BMP6: variants seen among roughly 807,000 people sequenced by gnomAD.
BMP6 encodes the protein VG-1-R.
Under a neutral mutation model 54.1 loss-of-function variants are expected in BMP6, and 17 were observed. That is an observed-to-expected ratio of 0.31 (90% CI 0.22 to 0.47). BMP6 has a LOEUF of 0.47. Ranked by LOEUF, BMP6 falls within the 20% of genes least tolerant of loss-of-function variation. The pLI is 1.00. For missense variants in BMP6, 720 were observed against 690.4 expected, an observed-to-expected ratio of 1.04 and a Z score of -0.48; for synonymous variants, 328 against 291.2, an observed-to-expected ratio of 1.13 and a Z score of -1.28.
chr6:7,739,053 A>G (rs991063041), intron 1 of BMP6, among the ~76,000 whole-genome samples: 1 of 152,196 alleles, frequency 6.6e-6, no homozygotes, highest in Non-Finnish European at 1.5e-5. Context: ...TGCTCTTGGC[A>G]ACTGTGATTG....
intron 4 of BMP6, among the ~76,000 whole-genome samples, chr6:7,877,247 A>G (rs1318245537): frequency 6.6e-6 from 1 of 152,156 alleles, no homozygotes; most frequent in Non-Finnish European, 1.5e-5. Flanking sequence ...ATTTAGAATT[A>G]TAAACCACCT....
rs1366601786 is a variant in BMP6 at position 7,768,731 on chromosome 6, TATTTC to T, written c.664+41114_664+41118del. Among the ~76,000 whole-genome samples, 5 of 152,236 alleles carry T rather than the reference TATTTC, an allele frequency of 3.3e-5. 1 individual carries two copies. The highest frequency in any genetic ancestry group is 7.3e-5 in the Non-Finnish European group (5 of 68,046). ...CACAGGGACGCAAGGTGTTCCTCTT[TATTTC>T]AACAGCTTTCTAAGAGTGCCGATTT... On this transcript the variant is annotated intron_variant, in intron 1 of 6. Coordinates refer to ENST00000283147, the MANE Select transcript of BMP6 (RefSeq NM_001718.6).
At chr6:7,863,234 G>A (rs986197090) in intron 4 of BMP6, among the ~76,000 whole-genome samples, 12 of 152,100 alleles carry the variant, frequency 7.9e-5, no homozygotes, top group African/African-American at 2.7e-4. Context: ...TCCTGACCTC[G>A]TGATCCACCC....
At chr6:7,727,710 C>G in intron 1 of BMP6, 91 bp downstream of exon 1, 1 of 1,354,932 alleles carries the variant, frequency 7.4e-7, no homozygotes, top group Non-Finnish European at 9.5e-7. Context: ...GGAGGAGCTC[C>G]CGGCGCGCGG....
intron 1 of BMP6, among the ~76,000 whole-genome samples, chr6:7,770,757 T>C (rs1333352661): frequency 6.6e-6 from 1 of 152,254 alleles, no homozygotes; most frequent in Admixed American, 6.5e-5. Flanking sequence ...GGGAAATCTG[T>C]GCAGTCAGCA....
chr6:7,819,545 G>A (rs1176494857), intron 1 of BMP6, among the ~76,000 whole-genome samples: 1 of 152,100 alleles, frequency 6.6e-6, no homozygotes, highest in Non-Finnish European at 1.5e-5. Flanking sequence ...TAAGGGGAGA[G>A]AAAGGAAGAA....
At chr6:7,753,771 AT>A (rs903981293) in intron 1 of BMP6, among the ~76,000 whole-genome samples, 31 of 151,990 alleles carry the variant, frequency 2.0e-4, no homozygotes, top group Admixed American at 3.3e-4. Flanking sequence ...TCTAACATCA[AT>A]TTTTTTTGAT....
At chr6:7,840,984 A>C (rs985063082) in intron 1 of BMP6, among the ~76,000 whole-genome samples, 1 of 152,196 alleles carries the variant, frequency 6.6e-6, no homozygotes, top group African/African-American at 2.4e-5. Context: ...ATAAATTTGA[A>C]TTACTCAGCA....
chr6:7,815,581 G>T (rs1457668947), intron 1 of BMP6, among the ~76,000 whole-genome samples: 1 of 152,104 alleles, frequency 6.6e-6, no homozygotes, highest in Non-Finnish European at 1.5e-5. Flanking sequence ...CCTTAGTCTT[G>T]GTTGAAATTA....
At chr6:7,762,552 A>G (rs1351904000) in intron 1 of BMP6, among the ~76,000 whole-genome samples, 2 of 152,228 alleles carry the variant, frequency 1.3e-5, no homozygotes, top group East Asian at 3.8e-4. Context: ...TATAACATAT[A>G]TACATATGTC....
intron 1 of BMP6, among the ~76,000 whole-genome samples, chr6:7,739,089 A>T (rs982282155): frequency 4.6e-5 from 7 of 152,206 alleles, no homozygotes; most frequent in Non-Finnish European, 8.8e-5. Flanking sequence ...CTCACTTTCC[A>T]CATTGATTTT....
At chr6:7,858,712 C>T (rs7749427) in intron 2 of BMP6, among the ~76,000 whole-genome samples, 2,155 of 151,622 alleles carry the variant, frequency 0.014, 46 homozygotes, top group African/African-American at 0.05. Context: ...GCTGTTGACA[C>T]AGTCAATATT....
intron 1 of BMP6, among the ~76,000 whole-genome samples, chr6:7,843,130 T>C (rs1449668435): frequency 6.6e-6 from 1 of 152,208 alleles, no homozygotes; most frequent in African/African-American, 2.4e-5. Context: ...CAATATTGCT[T>C]TTCATGCGTA....
chr6:7,732,587 T>C (rs555383987), intron 1 of BMP6, among the ~76,000 whole-genome samples: 133 of 152,350 alleles, frequency 8.7e-4, no homozygotes, highest in Non-Finnish European at 9.6e-4. Flanking sequence ...ATTTGTTGCC[T>C]CTCTGTGTCT....
chr6:7,848,863 G>C (rs1288095510), intron 2 of BMP6, among the ~76,000 whole-genome samples: 1 of 152,128 alleles, frequency 6.6e-6, no homozygotes, highest in Non-Finnish European at 1.5e-5. Flanking sequence ...TGATGATGCA[G>C]GTAAAAAAAA....
At chr6:7,865,072 A>AC (rs941939822) in intron 4 of BMP6, among the ~76,000 whole-genome samples, 1 of 152,070 alleles carries the variant, frequency 6.6e-6, no homozygotes, top group African/African-American at 2.4e-5. Flanking sequence ...TTTATTCAGT[A>AC]CCCCCCACCC....
intron 1 of BMP6, among the ~76,000 whole-genome samples, chr6:7,832,958 T>A (rs1383443897): frequency 6.6e-6 from 1 of 151,154 alleles, no homozygotes; most frequent in African/African-American, 2.4e-5. Flanking sequence ...GGGTGGGAGG[T>A]GGCTGTGGGG....
chr6:7,867,348 C>T (rs1367533138), intron 4 of BMP6, among the ~76,000 whole-genome samples: 2 of 152,192 alleles, frequency 1.3e-5, no homozygotes, highest in Non-Finnish European at 2.9e-5. Flanking sequence ...AATAGGCTTT[C>T]AGCGTAAATT....
intron 1 of BMP6, among the ~76,000 whole-genome samples, chr6:7,837,921 T>C (rs1306403582): frequency 1.3e-5 from 2 of 152,144 alleles, no homozygotes; most frequent in East Asian, 3.9e-4. Flanking sequence ...ATGAGTAATT[T>C]AAAATGTCCC....
Sources: allele counts gnomAD v4.1 joint callset (sites outside exome capture counted in the v4.1 genomes callset), GRCh38; gene constraint gnomAD v4.1.1; transcripts MANE v1.5; gene names NCBI Gene and HGNC (gene_info 2026-07-23, HGNC 2026-07-21).